Variants in WNK1 observed in about 807,000 individuals in gnomAD.
The protein encoded by WNK1 is WNK lysine deficient protein kinase 1.
A neutral mutation model predicts 222.8 loss-of-function variants in WNK1; 38 were observed. The ratio of observed to expected loss-of-function variants is 0.17; its 90% CI spans 0.13 to 0.22. The LOEUF (loss-of-function observed/expected upper bound fraction) is 0.22. Ranked by LOEUF, WNK1 falls within the 10% of genes least tolerant of loss-of-function variation. WNK1 has a pLI of 1.00. For missense variants in WNK1, 2,348 were observed against 2,918.4 expected (o/e 0.80, Z 4.50); for synonymous variants, 1,090 against 1,092.9 (o/e 1.00, Z 0.05).
At chr12:879,513 C>CTTTTTTTTTTTTTTTTTTTTTTTTGTT in intron 10 of WNK1, 60 bp from the exon 11 acceptor site, 1 of 403,028 alleles carries the variant, frequency 2.5e-6, no homozygotes, top group Non-Finnish European at 3.6e-6. Flanking sequence ...GGCAGCCTTG[C>CTTTTTTTTTTTTTTTTTTTTTTTTGTT]TTTTTTTTTT....
chr12:864,057 T>C (rs568440843), intron 8 of WNK1, among the ~76,000 whole-genome samples: 1 of 152,128 alleles, frequency 6.6e-6, no homozygotes, highest in African/African-American at 2.4e-5. Context: ...TTTATGGTAT[T>C]GATCATACTG....
intron 4 of WNK1, among the ~76,000 whole-genome samples, chr12:833,014 CT>C (rs71051394): frequency 5.2e-4 from 76 of 147,082 alleles, no homozygotes; most frequent in Admixed American, 1.1e-3. Flanking sequence ...TACATTCTCT[CT>C]TTTTTTTTTT....
chr12:842,027 G>A (rs1949666825), intron 4 of WNK1, among the ~76,000 whole-genome samples: 1 of 152,208 alleles, frequency 6.6e-6, no homozygotes, highest in African/African-American at 2.4e-5. Flanking sequence ...TTGTCCTAGA[G>A]CTAGGTTTAT....
intron 26 of WNK1, chr12:901,073 A>G (rs1955213070): frequency 1.9e-5 from 6 of 315,432 alleles, no homozygotes; most frequent in South Asian, 1.7e-4. Context: ...GGCATACTAA[A>G]ATGAATAACC....
At chr12:882,664 G>A (rs769718926) in intron 14 of WNK1, among the ~76,000 whole-genome samples, 5 of 152,154 alleles carry the variant, frequency 3.3e-5, no homozygotes, top group African/African-American at 1.2e-4. Context: ...CTTATAATTA[G>A]CCAAATGATA....
At chr12:781,264 A>G (rs887719362) in intron 1 of WNK1, 7 of 154,024 alleles carry the variant, frequency 4.5e-5, no homozygotes, top group African/African-American at 1.7e-4. Flanking sequence ...GAAGAATGAA[A>G]AACTGCTTTT....
intron 26 of WNK1, chr12:901,524 C>T: frequency 7.9e-7 from 1 of 1,273,024 alleles, no homozygotes; most frequent in Non-Finnish European, 1.0e-6. Flanking sequence ...TGTCTCTTCT[C>T]CTCTCTCTGT....
At chr12:872,766 G>A (rs1464334181) in intron 9 of WNK1, among the ~76,000 whole-genome samples, 1 of 152,092 alleles carries the variant, frequency 6.6e-6, no homozygotes, top group East Asian at 1.9e-4. Flanking sequence ...TTGAAACAAA[G>A]TTTTCGGTTC....
At chr12:756,413 T>A (rs1319167730) in intron 1 of WNK1, among the ~76,000 whole-genome samples, 1 of 152,196 alleles carries the variant, frequency 6.6e-6, no homozygotes, top group African/African-American at 2.4e-5. Context: ...AACTCGTAAC[T>A]TTTTGGATTT....
At chr12:790,729 G>A (rs999221585) in intron 1 of WNK1, among the ~76,000 whole-genome samples, 1 of 152,122 alleles carries the variant, frequency 6.6e-6, no homozygotes, top group Admixed American at 6.5e-5. Flanking sequence ...TCATATCTTA[G>A]TGTTACTATG....
intron 26 of WNK1, among the ~76,000 whole-genome samples, chr12:902,566 A>G (rs1955356527): frequency 1.3e-5 from 2 of 152,356 alleles, no homozygotes; most frequent in East Asian, 1.9e-4. Context: ...CACTTAGTCT[A>G]ATAAAGATCA....
chr12:815,799 C>A lies in WNK1; in HGVS notation c.932+1985C>A, dbSNP rs1947293095. ...TACAATGGTTTACTTGTTTTAAAAACTATATTGAGGAGCTTTGGGTAACAT... is the reference window on the plus strand; with the variant it reads ...TACAATGGTTTACTTGTTTTAAAAAATATATTGAGGAGCTTTGGGTAACAT... On this transcript the variant is annotated intron_variant, in intron 2 of 27. Coordinates refer to ENST00000315939, the MANE Select transcript of WNK1 (RefSeq NM_018979.4). Among the ~76,000 whole-genome samples, 3 of 152,198 alleles carry A rather than the reference C, an allele frequency of 2.0e-5. 1 individual carries two copies. In the South Asian group the frequency reaches 6.2e-4, roughly 31 times the overall value.
rs749319217 is a variant in WNK1 at position 753,984 on chromosome 12, C to G, written c.419C>G (p.Ala140Gly). 6.3e-7 allele frequency: 1 copy of G among 1,592,804 alleles called. No individual in the cohort carries two copies. The highest frequency in any genetic ancestry group is 2.3e-5 in the East Asian group (1 of 43,684). Reference sequence around the variant, plus strand: ...CAGGTAGCCCAGCAGCCTCCAGCCGCTGCCGCCCCTGGGGAACAGGCCGTC... The same window carrying G: ...CAGGTAGCCCAGCAGCCTCCAGCCGGTGCCGCCCCTGGGGAACAGGCCGTC... ...TSQVAQQPPA[A>G]AAPGEQAVAG... The change falls in exon 1 of 28, where the codon GCT becomes GGT. Residue 140 changes from alanine (A) to glycine (G), a missense_variant. Physicochemically the swap from Ala to Gly is moderately conservative, Grantham distance 60. Coordinates refer to ENST00000315939, the MANE Select transcript of WNK1 (RefSeq NM_018979.4). This position sits in a 1 kb window ranked among gnomAD's most constrained non-coding sequence, Gnocchi z 5.2.
rs1320579513 is a variant in WNK1 at position 752,750 on chromosome 12, G to C, written c.-816G>C. On this transcript the variant is annotated 5_prime_UTR_variant, in exon 1 of 28. Transcript: ENST00000315939. ...CTAGGTCTCCTCTCCTCTTGCCTCA[G>C]AGAAGCAGCGGAGCTCGGGCCCCGC... 3 of 152,328 alleles carry C rather than the reference G, an allele frequency of 2.0e-5. No individual in the cohort carries two copies. The highest frequency in any genetic ancestry group is 4.8e-5 in the African/African-American group (2 of 41,444). 9.4% of individuals were successfully genotyped at this position (152,328 alleles called of 1,614,324 possible).
In WNK1 at chr12:910,224, T is replaced by A. The variant is rs1198996795; in HGVS notation, c.*1432T>A. 1.3e-5 allele frequency: 2 copies of A among 152,248 alleles called. No homozygotes were observed. Among genetic ancestry groups the A allele is most frequent in the Non-Finnish European group, 1.5e-5 (1 of 68,040 alleles). The allele number at this position is 152,248 out of a possible 1,614,324, so 9.4% of individuals were successfully genotyped here. On this transcript the variant is annotated 3_prime_UTR_variant, in exon 28 of 28. Transcript: ENST00000315939. ...AGAAAAACTGTTTGGATTGCTTTCC[T>A]CTTGTTGCACATGTACCATGCATTT... is the stretch of plus-strand genomic sequence containing the variant.
intron 4 of WNK1, among the ~76,000 whole-genome samples, chr12:851,141 A>G (rs1049690253): frequency 1.3e-5 from 2 of 152,222 alleles, no homozygotes; most frequent in African/African-American, 4.8e-5. Context: ...TATGTGATGG[A>G]TTGAACTGAG....
rs1939461225 is a variant in WNK1, at chr12:753,236, C to T, written c.-330C>T. Reference sequence around the variant, plus strand: ...GGCCCTCCCCTCATGACTGCGGCGCCTCTGCTGCCACCGCCCGCCCGGCCG... The same window carrying T: ...GGCCCTCCCCTCATGACTGCGGCGCTTCTGCTGCCACCGCCCGCCCGGCCG... On this transcript the variant is annotated 5_prime_UTR_variant, in exon 1 of 28. Coordinates refer to ENST00000315939, the MANE Select transcript of WNK1 (RefSeq NM_018979.4). This position sits in a 1 kb window ranked among gnomAD's most constrained non-coding sequence, Gnocchi z 5.2. The T allele has an allele frequency of 3.2e-6, 1 of 312,562 alleles. No homozygotes were observed. Among genetic ancestry groups the T allele is most frequent in the Non-Finnish European group, 5.9e-6 (1 of 168,792 alleles). 19.4% of individuals were successfully genotyped at this position (312,562 alleles called of 1,614,324 possible). A position where few individuals can be genotyped will look rare whatever the true frequency, so the allele number is the denominator to read the frequency against.
intron 3 of WNK1, among the ~76,000 whole-genome samples, chr12:829,232 A>G (rs1179115058): frequency 6.6e-6 from 1 of 152,178 alleles, no homozygotes; most frequent in African/African-American, 2.4e-5. Flanking sequence ...GTCTTGTGGG[A>G]TCACACACTG....
At chr12:771,971 T>A (rs1222135014) in intron 1 of WNK1, among the ~76,000 whole-genome samples, 1 of 151,910 alleles carries the variant, frequency 6.6e-6, no homozygotes, top group Non-Finnish European at 1.5e-5. Context: ...AAGCTTACTT[T>A]TTTTTTTTGC....
Sources: allele counts gnomAD v4.1 joint callset (sites outside exome capture counted in the v4.1 genomes callset), GRCh38; gene constraint gnomAD v4.1.1; non-coding constraint Gnocchi (gnomAD v3.1); transcripts MANE v1.5; gene names NCBI Gene and HGNC (gene_info 2026-07-23, HGNC 2026-07-21).